NEO1: variants seen among roughly 807,000 people sequenced by gnomAD.
NEO1 encodes the protein neogenin.
Under a neutral mutation model 159.7 loss-of-function variants are expected in NEO1, and 63 were observed. That is an observed-to-expected ratio of 0.39 (90% CI 0.32 to 0.49). The LOEUF (loss-of-function observed/expected upper bound fraction) is 0.49, where lower values mean the gene tolerates loss of function less well. Ranked by LOEUF, NEO1 falls within the 20% of genes least tolerant of loss-of-function variation. The pLI, the probability that NEO1 is intolerant of heterozygous loss-of-function variation, is 0.85. For missense variants in NEO1, 1,615 were observed against 1,831.0 expected (o/e 0.88, Z 2.15); for synonymous variants, 633 against 662.0 (o/e 0.96, Z 0.67).
intron 25 of NEO1, among the ~76,000 whole-genome samples, chr15:73,291,822 G>A (rs1302309975): frequency 1.3e-5 from 2 of 152,114 alleles, no homozygotes; most frequent in African/African-American, 2.4e-5. Context: ...AAGGGAAAAA[G>A]TCAATTTTGT....
rs3840037 is a variant in NEO1 at position 73,116,872 on chromosome 15, A to ATT, written c.448+25_448+26dup. 0.018 allele frequency: 22,696 copies of ATT among 1,249,788 alleles called. 25 individuals are homozygous for ATT. The highest frequency in any genetic ancestry group is 0.04 in the South Asian group (2,411 of 59,722). The allele number at this position is 1,249,788 out of a possible 1,614,324, so 77.4% of individuals were successfully genotyped here. On this transcript the variant is annotated intron_variant, in intron 2 of 28. Coordinates refer to ENST00000261908, the MANE Select transcript of NEO1 (RefSeq NM_002499.4). ...CATAGTAGCAGGTAAGTTTTAAGTG[A>ATT]TTTTTTTTTTTGCATTTTCAAATAT...
Position 73,258,846 on chromosome 15 carries a change from T to G in NEO1, c.2173T>G (p.Ser725Ala), listed in dbSNP as rs80254503. 2 of 1,613,928 alleles carry G rather than the reference T, an allele frequency of 1.2e-6. No individual in the cohort carries two copies. Among genetic ancestry groups the G allele is most frequent in the Non-Finnish European group, 8.5e-7 (1 of 1,179,868 alleles). The change falls in exon 14 of 29, where the codon TCT becomes GCT. Residue 725 changes from serine to alanine, a missense_variant. Ser to Ala is a moderately conservative substitution (Grantham distance 99, BLOSUM62 1). Around this residue, in one of 3 missense-constraint regions of NEO1, gnomAD observed 1,018 missense variants for 1,115.4 expected, o/e 0.91. Coordinates refer to ENST00000261908, the MANE Select transcript of NEO1 (RefSeq NM_002499.4). ...TACAGGCCCGGCAACTGACTGGCTGTCTGCTGAAACTTTTGAAAGTGACCT... is the reference window on the plus strand; with the variant it reads ...TACAGGCCCGGCAACTGACTGGCTGGCTGCTGAAACTTTTGAAAGTGACCT... ...NGTGPATDWL[S>A]AETFESDLDE... is the part of the protein sequence containing the mutation.
intron 6 of NEO1, 119 bp downstream of exon 6, chr15:73,176,676 G>T: frequency 1.5e-6 from 1 of 681,916 alleles, no homozygotes; most frequent in South Asian, 3.0e-5. Flanking sequence ...TGAAATAGAA[G>T]AATTCACATA....
intron 1 of NEO1, among the ~76,000 whole-genome samples, chr15:73,054,946 A>ATAGATTG (rs1240833444): frequency 1.3e-5 from 2 of 152,278 alleles, no homozygotes; most frequent in East Asian, 3.9e-4. Flanking sequence ...ATTATAGTGA[A>ATAGATTG]TAGATTGTAG....
rs768468842 is a variant in NEO1, at chr15:73,052,732, C to T, written c.57C>T (p.Tyr19=). 7.5e-7 allele frequency: 1 copy of T among 1,326,766 alleles called. No individual in the cohort carries two copies. Among genetic ancestry groups the T allele is most frequent in the Non-Finnish European group, 9.7e-7 (1 of 1,031,626 alleles). The allele number at this position is 1,326,766 out of a possible 1,614,324, so 82.2% of individuals were successfully genotyped here. ...RLLSTPSFWL[Y]CLLLLGRRAP... is the part of the protein sequence containing the mutation. Reference sequence around the variant, plus strand: ...TCAGCACCCCCTCCTTCTGGCTCTACTGCCTGCTGCTGCTCGGGCGCCGGG... The same window carrying T: ...TCAGCACCCCCTCCTTCTGGCTCTATTGCCTGCTGCTGCTCGGGCGCCGGG... Residue 19 remains tyrosine (Y), a synonymous_variant, in exon 1 of 29, where the codon TAC becomes TAT. Coordinates refer to ENST00000261908, the MANE Select transcript of NEO1 (RefSeq NM_002499.4).
intron 16 of NEO1, among the ~76,000 whole-genome samples, chr15:73,266,912 T>G (rs903516807): frequency 2.0e-4 from 30 of 152,190 alleles, no homozygotes; most frequent in Non-Finnish European, 4.0e-4. Flanking sequence ...AGTTATACAT[T>G]TATTACAAAC....
intron 1 of NEO1, among the ~76,000 whole-genome samples, chr15:73,097,480 C>G (rs2070122715): frequency 6.6e-6 from 1 of 151,270 alleles, no homozygotes; most frequent in Non-Finnish European, 1.5e-5. Context: ...GCTGGCTCAG[C>G]CTCCCAGGTA....
chr15:73,182,246 A>C (rs1355590951), intron 7 of NEO1, among the ~76,000 whole-genome samples: 1 of 152,186 alleles, frequency 6.6e-6, no homozygotes, highest in African/African-American at 2.4e-5. Context: ...TGTGGGAGTT[A>C]CAATTCAAGA....
chr15:73,204,401 TCTC>T (rs1396406353), intron 7 of NEO1, among the ~76,000 whole-genome samples: 1 of 152,148 alleles, frequency 6.6e-6, no homozygotes, highest in Non-Finnish European at 1.5e-5. Flanking sequence ...TATTCTCTCT[TCTC>T]TGATATTCCA....
chr15:73,210,776 A>G (rs1265588178), intron 7 of NEO1, among the ~76,000 whole-genome samples: 1 of 152,178 alleles, frequency 6.6e-6, no homozygotes, highest in Non-Finnish European at 1.5e-5. Flanking sequence ...CTAGTTTTGT[A>G]TAATCAAGTC....
At chr15:73,075,459 T>C (rs1295126621) in intron 1 of NEO1, among the ~76,000 whole-genome samples, 2 of 152,188 alleles carry the variant, frequency 1.3e-5, no homozygotes. Flanking sequence ...TGGTGCACTT[T>C]TATGTATGCC....
chr15:73,282,955 T>G lies in NEO1; in HGVS notation c.3263-9T>G. The G allele has an allele frequency of 6.2e-7, 1 of 1,612,792 alleles. No individual in the cohort carries two copies. Among genetic ancestry groups the G allele is most frequent in the Non-Finnish European group, 8.5e-7 (1 of 1,179,550 alleles). On this transcript the variant is annotated splice_polypyrimidine_tract_variant and intron_variant, in intron 22 of 28. Coordinates refer to ENST00000261908, the MANE Select transcript of NEO1 (RefSeq NM_002499.4). ...AACCCTAACACATGTACCATTTCTC[T>G]CTCTGCAGGCAGTAACAGCCCTCAT...
chr15:73,270,183 T>C lies in NEO1; in HGVS notation c.2668T>C (p.Tyr890His), dbSNP rs775902372. Residue 890 changes from tyrosine (Y) to histidine (H), a missense_variant, in exon 17 of 29, where the codon TAC becomes CAC. By Grantham distance (83) the Tyr-to-His change is moderately conservative (BLOSUM62 2). Coordinates refer to ENST00000261908, the MANE Select transcript of NEO1 (RefSeq NM_002499.4). ...PKHQKITDSR[Y>H]YTVRWKTNIP... is the part of the protein sequence containing the mutation. Reference sequence around the variant, plus strand: ...GCACCAGAAGATTACAGACTCCCGATACTACACCGTCCGATGGAAAACCAA... The same window carrying C: ...GCACCAGAAGATTACAGACTCCCGACACTACACCGTCCGATGGAAAACCAA... The C allele has an allele frequency of 7.4e-6, 12 of 1,613,862 alleles. No homozygotes were observed. The Admixed American group carries it at 1.8e-4, about 25-fold the overall frequency.
intron 7 of NEO1, among the ~76,000 whole-genome samples, chr15:73,194,867 A>G (rs749961858): frequency 1.3e-5 from 2 of 152,224 alleles, no homozygotes; most frequent in Non-Finnish European, 2.9e-5. Context: ...GATTTTCTGT[A>G]TAAGTGTAAG....
intron 11 of NEO1, 27 bp from the exon 12 acceptor site, chr15:73,253,373 A>ATTTTTTTTTTTTTTTTTTTTTTTTT: frequency 8.7e-7 from 1 of 1,152,178 alleles, no homozygotes; most frequent in Non-Finnish European, 1.2e-6. Flanking sequence ...TAAAAAAAAA[A>ATTTTTTTTTTTTTTTTTTTTTTTTT]TTTTTTTTTT....
intron 5 of NEO1, among the ~76,000 whole-genome samples, chr15:73,167,570 A>G (rs1009430495): frequency 3.3e-5 from 5 of 152,204 alleles, no homozygotes; most frequent in Non-Finnish European, 2.9e-5. Flanking sequence ...TTCTACACCC[A>G]CATTCACAGC....
chr15:73,211,571 C>G (rs914915175), intron 7 of NEO1, among the ~76,000 whole-genome samples: 1 of 152,148 alleles, frequency 6.6e-6, no homozygotes, highest in Non-Finnish European at 1.5e-5. Context: ...AAAAATTAGC[C>G]AGGCGTGGTG....
At chr15:73,129,518 T>C (rs1343603118) in intron 4 of NEO1, among the ~76,000 whole-genome samples, 3 of 152,222 alleles carry the variant, frequency 2.0e-5, no homozygotes, top group Non-Finnish European at 4.4e-5. Flanking sequence ...AATTGATCTA[T>C]ATATTTAACC....
chr15:73,069,125 ATT>A (rs962027800), intron 1 of NEO1, among the ~76,000 whole-genome samples: 8 of 105,398 alleles, frequency 7.6e-5, no homozygotes, highest in Admixed American at 2.8e-4. Context: ...TAATTTTTGT[ATT>A]TTTTTTTTTT....
Sources: allele counts gnomAD v4.1 joint callset (sites outside exome capture counted in the v4.1 genomes callset), GRCh38; gene constraint gnomAD v4.1.1; regional missense constraint gnomAD v4.1.1; transcripts MANE v1.5; gene names NCBI Gene and HGNC (gene_info 2026-07-23, HGNC 2026-07-21).